FOXO3: variants seen among roughly 807,000 people sequenced by gnomAD.
FOXO3 encodes the protein forkhead box protein O3.
In FOXO3, 4 loss-of-function variants were observed where a neutral mutation model predicts 41.9. That is an observed-to-expected ratio of 0.10 (90% CI 0.05 to 0.22). The LOEUF is 0.22. Among genes scored for constraint, FOXO3 ranks in the 10% least tolerant of loss-of-function variants. The probability of loss-of-function intolerance (pLI) is 1.00; values close to 1 mark genes in which losing one functional copy is unlikely to be tolerated. For missense variants in FOXO3, 534 were observed against 906.8 expected (o/e 0.59, Z 5.28); for synonymous variants, 318 against 389.3 (o/e 0.82, Z 2.16).
At chr6:108,656,135 CA>C (rs146161678) in intron 1 of FOXO3, among the ~76,000 whole-genome samples, 54 of 110,512 alleles carry the variant, frequency 4.9e-4, no homozygotes, top group Admixed American at 5.5e-4. Context: ...CACCCCACCT[CA>C]AAAAAAAAAA....
At chr6:108,572,788 A>G (rs969863032) in intron 1 of FOXO3, among the ~76,000 whole-genome samples, 12 of 152,296 alleles carry the variant, frequency 7.9e-5, no homozygotes, top group Admixed American at 7.2e-4. Flanking sequence ...TTACTCAACT[A>G]GGTTTTTTAT....
chr6:108,621,610 T>G (rs1777666436), intron 1 of FOXO3, among the ~76,000 whole-genome samples: 1 of 152,060 alleles, frequency 6.6e-6, no homozygotes, highest in South Asian at 2.1e-4. Flanking sequence ...TGTGCAGTGC[T>G]AAATATCCTG....
intron 1 of FOXO3, among the ~76,000 whole-genome samples, chr6:108,603,328 T>C (rs1260239509): frequency 6.6e-6 from 1 of 152,212 alleles, no homozygotes; most frequent in African/African-American, 2.4e-5. Context: ...CTGGCATTTC[T>C]CTTTTTAAAA....
Position 108,560,926 on chromosome 6 carries a change from T to C in FOXO3, c.-283T>C, listed in dbSNP as rs1775762788. Reference sequence around the variant, plus strand: ...GGCCTGGCCGGGGGGCGGTGTCTGCTGCGCCAGGTTCGCTGGCCGCACGTC... The same window carrying C: ...GGCCTGGCCGGGGGGCGGTGTCTGCCGCGCCAGGTTCGCTGGCCGCACGTC... On this transcript the variant is annotated 5_prime_UTR_variant, in exon 1 of 3. Coordinates refer to ENST00000406360, the MANE Select transcript of FOXO3 (RefSeq NM_001455.4). The C allele has an allele frequency of 7.8e-7, 1 of 1,274,346 alleles. No individual in the cohort carries two copies. The highest frequency in any genetic ancestry group is 9.9e-7 in the Non-Finnish European group (1 of 1,005,310). 78.9% of individuals were successfully genotyped at this position (1,274,346 alleles called of 1,614,324 possible).
intron 1 of FOXO3, among the ~76,000 whole-genome samples, chr6:108,611,768 CTT>C (rs1777372128): frequency 6.7e-6 from 1 of 148,866 alleles, no homozygotes; most frequent in Admixed American, 6.7e-5. Context: ...GAATACATGT[CTT>C]TTATCAGAAA....
At chr6:108,646,287 C>T (rs1248552222) in intron 1 of FOXO3, among the ~76,000 whole-genome samples, 2 of 152,134 alleles carry the variant, frequency 1.3e-5, no homozygotes, top group Non-Finnish European at 2.9e-5. Flanking sequence ...TCGAAGAAGG[C>T]TGAGGAATGT....
chr6:108,562,141 G>GA (rs917286010), intron 1 of FOXO3, among the ~76,000 whole-genome samples: 1 of 152,088 alleles, frequency 6.6e-6, no homozygotes, highest in African/African-American at 2.4e-5. Flanking sequence ...CAGCACCGAG[G>GA]AGGTAGGTCC....
intron 1 of FOXO3, among the ~76,000 whole-genome samples, chr6:108,631,209 G>A (rs2128375988): frequency 6.6e-6 from 1 of 152,250 alleles, no homozygotes; most frequent in East Asian, 1.9e-4. Flanking sequence ...TATGTAGATG[G>A]GCACCTGGGG....
chr6:108,603,012 T>C (rs1042122801), intron 1 of FOXO3, among the ~76,000 whole-genome samples: 1 of 152,312 alleles, frequency 6.6e-6, no homozygotes, highest in South Asian at 2.1e-4. Flanking sequence ...ATAAAAATCT[T>C]TGGATTGAAA....
At chr6:108,579,951 T>A (rs1776362268) in intron 1 of FOXO3, among the ~76,000 whole-genome samples, 1 of 152,108 alleles carries the variant, frequency 6.6e-6, no homozygotes, top group African/African-American at 2.4e-5. Flanking sequence ...GACTTCTGTG[T>A]GCTGCTGAAT....
chr6:108,571,566 C>A (rs925661558), intron 1 of FOXO3, among the ~76,000 whole-genome samples: 3 of 152,088 alleles, frequency 2.0e-5, no homozygotes, highest in African/African-American at 7.2e-5. Context: ...CATAGAGACC[C>A]AAATAAGGCC....
At chr6:108,659,128 G>A (rs1376435234) in intron 1 of FOXO3, among the ~76,000 whole-genome samples, 1 of 151,984 alleles carries the variant, frequency 6.6e-6, no homozygotes, top group African/African-American at 2.4e-5. Flanking sequence ...CAAGCGATCC[G>A]TCTGCCTCAG....
intron 1 of FOXO3, among the ~76,000 whole-genome samples, chr6:108,635,143 A>G (rs1778088215): frequency 6.6e-6 from 1 of 152,108 alleles, no homozygotes; most frequent in South Asian, 2.1e-4. Context: ...TCTACTAAAA[A>G]TACAAAAATT....
intron 1 of FOXO3, among the ~76,000 whole-genome samples, chr6:108,654,844 GA>G: frequency 6.6e-6 from 1 of 151,654 alleles, no homozygotes; most frequent in East Asian, 1.9e-4. Flanking sequence ...TCTTTTACAT[GA>G]AAGTTTATGT....
rs1770942091 is a variant in FOXO3 at position 108,683,460 on chromosome 6, G to A, written c.*3668G>A. The A allele has an allele frequency of 6.6e-6, 1 of 152,172 alleles. No individual in the cohort carries two copies. Among genetic ancestry groups the A allele is most frequent in the Non-Finnish European group, 1.5e-5 (1 of 68,054 alleles). The allele number at this position is 152,172 out of a possible 1,614,324, so 9.4% of individuals were successfully genotyped here. On this transcript the variant is annotated 3_prime_UTR_variant, in exon 3 of 3. Coordinates refer to ENST00000406360, the MANE Select transcript of FOXO3 (RefSeq NM_001455.4). ...AAGAAGTCCTCCATGTTGGTGCCAA[G>A]GACTTGCGAGGGGAAATAAAAATGT...
chr6:108,612,834 CT>C (rs1251912631), intron 1 of FOXO3, among the ~76,000 whole-genome samples: 1 of 152,068 alleles, frequency 6.6e-6, no homozygotes, highest in African/African-American at 2.4e-5. Context: ...TTTTTCTCAT[CT>C]TAAGGGGAAA....
chr6:108,586,402 T>A (rs949412496), intron 1 of FOXO3, among the ~76,000 whole-genome samples: 2 of 152,224 alleles, frequency 1.3e-5, no homozygotes, highest in African/African-American at 4.8e-5. Flanking sequence ...TTCTCCTGCT[T>A]GAAACTTGGT....
At chr6:108,669,186 C>CG (rs1463904688) in intron 2 of FOXO3, among the ~76,000 whole-genome samples, 2 of 152,198 alleles carry the variant, frequency 1.3e-5, no homozygotes, top group Non-Finnish European at 2.9e-5. Context: ...CTGGTGAAGT[C>CG]TATGTTATGA....
chr6:108,601,933 A>C (rs534887713), intron 1 of FOXO3, among the ~76,000 whole-genome samples: 1 of 152,360 alleles, frequency 6.6e-6, no homozygotes, highest in East Asian at 1.9e-4. Flanking sequence ...GCTATTTTGA[A>C]TAAAGCCTTG....
Sources: gnomAD v4.1 joint callset for allele counts (sites outside exome capture counted in the v4.1 genomes callset) on GRCh38, gnomAD v4.1.1 for gene constraint, MANE v1.5 for transcripts, NCBI Gene and HGNC (gene_info 2026-07-23, HGNC 2026-07-21) for gene names.